The following PLCL2 variants were observed in gnomAD, a reference collection of about 807,000 sequenced individuals.
PLCL2 encodes the protein phospholipase C like 2, also known as inactive phospholipase C-like protein 2.
In PLCL2, 4 loss-of-function variants were observed where a neutral mutation model predicts 79.6. That is an observed-to-expected ratio of 0.05 (90% CI 0.02 to 0.11). The LOEUF (loss-of-function observed/expected upper bound fraction) is 0.11. PLCL2 is among the 10% of genes least tolerant of loss of function. The pLI is 1.00. For synonymous variants in PLCL2, 484 were observed against 457.7 expected, an observed-to-expected ratio of 1.06 and a Z score of -0.73; for missense variants, 895 against 1,291.0, an observed-to-expected ratio of 0.69 and a Z score of 4.70.
intron 1 of PLCL2, among the ~76,000 whole-genome samples, chr3:16,960,212 G>A (rs2063742700): frequency 6.6e-6 from 1 of 152,132 alleles, no homozygotes; most frequent in African/African-American, 2.4e-5. Context: ...CTTTATTAGT[G>A]ATTTAGCTGA....
At chr3:17,055,833 G>A (rs1318738278) in intron 4 of PLCL2, among the ~76,000 whole-genome samples, 1 of 152,168 alleles carries the variant, frequency 6.6e-6, no homozygotes, top group East Asian at 1.9e-4. Context: ...CAGGGAGAGT[G>A]TGAGTGACTG....
rs2064319725 is a variant in PLCL2 at position 17,011,305 on chromosome 3, C to T, written c.1959C>T (p.Ala653=). The change falls in exon 2 of 6, where the codon GCC becomes GCT. Residue 653 remains alanine (A), a synonymous_variant. Transcript: ENST00000615277. This position sits in a 1 kb window ranked among gnomAD's most constrained non-coding sequence, Gnocchi z 7.9. The part of the protein sequence containing the change: ...WEVCSFNEVL[A]SKYANENPGD... ...TCTGTTCCTTTAATGAAGTGCTTGCCAGCAAGTACGCCAATGAAAATCCAG... is the reference window on the plus strand; with the variant it reads ...TCTGTTCCTTTAATGAAGTGCTTGCTAGCAAGTACGCCAATGAAAATCCAG... The T allele has an allele frequency of 6.2e-7, 1 of 1,614,060 alleles. No homozygotes were observed. The highest frequency in any genetic ancestry group is 1.7e-5 in the Admixed American group (1 of 59,998).
intron 1 of PLCL2, among the ~76,000 whole-genome samples, chr3:16,955,925 T>G (rs901566380): frequency 6.6e-6 from 1 of 152,234 alleles, no homozygotes; most frequent in Non-Finnish European, 1.5e-5. Flanking sequence ...AAGGAGATTT[T>G]GGGCTGAGAC....
chr3:16,971,211 C>T (rs1237924926), intron 1 of PLCL2, among the ~76,000 whole-genome samples: 5 of 151,774 alleles, frequency 3.3e-5, no homozygotes, highest in African/African-American at 4.8e-5. Flanking sequence ...ATGTTTAAGT[C>T]TTTAATCCAT....
intron 1 of PLCL2, among the ~76,000 whole-genome samples, chr3:16,983,395 A>G (rs1454780621): frequency 1.3e-5 from 2 of 152,174 alleles, no homozygotes; most frequent in Non-Finnish European, 2.9e-5. Flanking sequence ...TGGGCCGGGC[A>G]TGGTGGCTCA....
chr3:17,028,990 G>A (rs567581713), intron 3 of PLCL2, among the ~76,000 whole-genome samples: 51 of 152,200 alleles, frequency 3.4e-4, no homozygotes, highest in South Asian at 1.0e-3. Context: ...TGTATTCCCC[G>A]AACTTGATTT....
At chr3:17,028,847 G>A (rs2064546750) in intron 3 of PLCL2, among the ~76,000 whole-genome samples, 1 of 152,092 alleles carries the variant, frequency 6.6e-6, no homozygotes, top group African/African-American at 2.4e-5. Flanking sequence ...TGCGTTCTCA[G>A]CACCGACAGC....
chr3:17,042,900 T>G lies in PLCL2; in HGVS notation c.3045T>G (p.Ile1015Met), dbSNP rs2064740113. 1.2e-6 allele frequency: 2 copies of G among 1,612,610 alleles called. No homozygotes were observed. The highest frequency in any genetic ancestry group is 2.2e-5 in the East Asian group (1 of 44,862). Residue 1015 changes from isoleucine to methionine, a missense_variant, in exon 4 of 6, where the codon ATT (isoleucine) becomes ATG (methionine). Physicochemically the swap from Ile to Met is conservative, Grantham distance 10. Coordinates refer to ENST00000615277, the MANE Select transcript of PLCL2 (RefSeq NM_001144382.2). Reference protein sequence around the residue: ...DMMIQSLKALIENADAVYEKI... With the variant: ...DMMIQSLKALMENADAVYEKI... The stretch of plus-strand genomic sequence containing the variant: ...TGATTCAGTCCCTCAAGGCGTTGAT[T>G]GAAAATGCAGATGCTGTATATGAAA...
Position 17,011,584 on chromosome 3 carries a change from C to T in PLCL2, c.2238C>T (p.Asp746=), listed in dbSNP as rs1435941548. ...CCTTCTTCAGCGCCAATACAAAAGA[C>T]TCTGTCCCAGGGGTCTCACCTCAAC... ...EVSFFSANTK[D]SVPGVSPQLL... is the part of the protein sequence containing the mutation. The change falls in exon 2 of 6, where the codon GAC becomes GAT. Residue 746 remains aspartate (D), a synonymous_variant. Coordinates refer to ENST00000615277, the MANE Select transcript of PLCL2 (RefSeq NM_001144382.2). This position sits in a 1 kb window ranked among gnomAD's most constrained non-coding sequence, Gnocchi z 7.9. 1.2e-6 allele frequency: 2 copies of T among 1,614,160 alleles called. No individual in the cohort carries two copies. Among genetic ancestry groups the T allele is most frequent in the Admixed American group, 1.7e-5 (1 of 60,006 alleles).
intron 4 of PLCL2, among the ~76,000 whole-genome samples, chr3:17,053,131 T>C (rs911077948): frequency 4.6e-5 from 7 of 152,210 alleles, no homozygotes; most frequent in African/African-American, 1.7e-4. Flanking sequence ...AAGAAATAAC[T>C]GAGACTGGGT....
intron 1 of PLCL2, among the ~76,000 whole-genome samples, chr3:16,941,303 C>T: frequency 6.6e-6 from 1 of 152,194 alleles, no homozygotes; most frequent in Non-Finnish European, 1.5e-5. Flanking sequence ...GCATTAGCCT[C>T]TTGACCATTC....
chr3:16,917,695 T>C (rs1190190063), intron 1 of PLCL2, among the ~76,000 whole-genome samples: 1 of 152,160 alleles, frequency 6.6e-6, no homozygotes, highest in East Asian at 1.9e-4. Flanking sequence ...GAGAACTAGA[T>C]AAAAGCTGCA....
chr3:16,933,438 A>C (rs761976642), intron 1 of PLCL2: 13 of 153,618 alleles, frequency 8.5e-5, no homozygotes, highest in Non-Finnish European at 1.5e-4. Context: ...AAATATACTA[A>C]CAAAGCCAAA....
chr3:17,082,036 T>A (rs1249795142), intron 5 of PLCL2, among the ~76,000 whole-genome samples: 1 of 152,160 alleles, frequency 6.6e-6, no homozygotes, highest in African/African-American at 2.4e-5. Context: ...AGACACCCTG[T>A]GTCAGTGGGT....
intron 5 of PLCL2, among the ~76,000 whole-genome samples, chr3:17,076,107 A>G (rs1331966781): frequency 1.3e-5 from 2 of 152,152 alleles, no homozygotes; most frequent in East Asian, 3.8e-4. Context: ...TTTAAAAACA[A>G]CTGATGTTCC....
At chr3:16,925,354 T>G (rs1697222287) in intron 1 of PLCL2, among the ~76,000 whole-genome samples, 1 of 152,188 alleles carries the variant, frequency 6.6e-6, no homozygotes, top group Non-Finnish European at 1.5e-5. Context: ...ATGAGCTCTA[T>G]TGCTCATTTT....
chr3:17,012,368 G>A (rs2064335570), intron 2 of PLCL2, among the ~76,000 whole-genome samples: 1 of 152,156 alleles, frequency 6.6e-6, no homozygotes, highest in Admixed American at 6.5e-5. Flanking sequence ...TACATATTGG[G>A]ATAAGTGAGT....
At chr3:17,083,291 A>T (rs1177656576) in intron 5 of PLCL2, among the ~76,000 whole-genome samples, 1 of 152,206 alleles carries the variant, frequency 6.6e-6, no homozygotes, top group African/African-American at 2.4e-5. Context: ...GGAAGGAGCT[A>T]GCTACGTGCA....
At chr3:16,977,429 A>G (rs1203747815) in intron 1 of PLCL2, among the ~76,000 whole-genome samples, 2 of 152,144 alleles carry the variant, frequency 1.3e-5, no homozygotes, top group Non-Finnish European at 2.9e-5. Flanking sequence ...CTCTCATGAC[A>G]TTCCTTTTAC....
Sources: allele counts gnomAD v4.1 joint callset (sites outside exome capture counted in the v4.1 genomes callset), GRCh38; gene constraint gnomAD v4.1.1; non-coding constraint Gnocchi (gnomAD v3.1); transcripts MANE v1.5; gene names NCBI Gene and HGNC (gene_info 2026-07-23, HGNC 2026-07-21).